MACROD2: variants seen among roughly 807,000 people sequenced by gnomAD.
The protein encoded by MACROD2 is mono-ADP ribosylhydrolase 2.
A neutral mutation model predicts 70.4 loss-of-function variants in MACROD2; 36 were observed. That is an observed-to-expected ratio of 0.51 (90% CI 0.39 to 0.68). MACROD2 has a LOEUF of 0.68. Among genes scored for constraint, MACROD2 ranks in the 30% least tolerant of loss-of-function variants. The pLI is 0.00. For missense variants in MACROD2, 496 were observed against 538.4 expected (o/e 0.92, Z 0.78); for synonymous variants, 172 against 178.8 (o/e 0.96, Z 0.30).
intron 10 of MACROD2, among the ~76,000 whole-genome samples, chr20:15,899,084 C>T (rs150615274): frequency 2.0e-5 from 3 of 151,260 alleles, no homozygotes; most frequent in Admixed American, 2.0e-4. Context: ...ACATATATAT[C>T]TGTAGGTGTG....
intron 8 of MACROD2, among the ~76,000 whole-genome samples, chr20:15,855,148 C>G (rs2064342800): frequency 6.6e-6 from 1 of 152,188 alleles, no homozygotes; most frequent in African/African-American, 2.4e-5. Context: ...ACAGGATAAT[C>G]TTGGCTGTGT....
chr20:16,021,577 G>T (rs2067001703), intron 15 of MACROD2, among the ~76,000 whole-genome samples: 2 of 152,130 alleles, frequency 1.3e-5, no homozygotes, highest in Admixed American at 1.3e-4. Flanking sequence ...CTGCCCAGAT[G>T]GATAGTGCAT....
chr20:14,098,479 A>C (rs1200894521), intron 3 of MACROD2, among the ~76,000 whole-genome samples: 2 of 152,228 alleles, frequency 1.3e-5, no homozygotes, highest in Non-Finnish European at 2.9e-5. Context: ...AGATGATGTC[A>C]TAAGATTGTA....
Position 15,097,582 on chromosome 20 carries a change from TAA to T in MACROD2, c.419-132357_419-132356del, listed in dbSNP as rs139991422. Among the ~76,000 whole-genome samples, 408 of 152,292 alleles carry T rather than the reference TAA, an allele frequency of 2.7e-3. 2 individuals are homozygous for T. The highest frequency in any genetic ancestry group is 8.6e-3 in the African/African-American group (357 of 41,556). On this transcript the variant is annotated intron_variant, in intron 5 of 17. Coordinates refer to ENST00000684519, the MANE Select transcript of MACROD2 (RefSeq NM_001351661.2). Reference sequence around the variant, plus strand: ...AGAGTAATGTCCAAATAAAATGTCATAAGTGAACAATACAATTCAATGGAGAA... The same window carrying T: ...AGAGTAATGTCCAAATAAAATGTCATGTGAACAATACAATTCAATGGAGAA...
At chr20:15,545,477 T>G (rs2048013952) in intron 8 of MACROD2, among the ~76,000 whole-genome samples, 1 of 152,208 alleles carries the variant, frequency 6.6e-6, no homozygotes, top group Non-Finnish European at 1.5e-5. Flanking sequence ...AAACAGATAC[T>G]GCACACTCAG....
intron 8 of MACROD2, among the ~76,000 whole-genome samples, chr20:15,608,478 C>T (rs573108102): frequency 2.0e-5 from 3 of 152,276 alleles, no homozygotes; most frequent in Non-Finnish European, 4.4e-5. Flanking sequence ...AGACCTAGAC[C>T]AACCTGCATC....
chr20:15,963,631 G>T (rs1250636740), intron 12 of MACROD2, among the ~76,000 whole-genome samples: 2 of 150,430 alleles, frequency 1.3e-5, no homozygotes, highest in East Asian at 4.1e-4. Flanking sequence ...CTCAAAACTG[G>T]TCTGGAAAAT....
At chr20:15,820,702 G>A (rs1450407831) in intron 8 of MACROD2, among the ~76,000 whole-genome samples, 1 of 152,070 alleles carries the variant, frequency 6.6e-6, no homozygotes, top group South Asian at 2.1e-4. Flanking sequence ...TGAGAATTCT[G>A]CTAAGAAAAC....
At chr20:15,727,276 C>G (rs930784154) in intron 8 of MACROD2, among the ~76,000 whole-genome samples, 2 of 152,042 alleles carry the variant, frequency 1.3e-5, no homozygotes, top group African/African-American at 4.8e-5. Context: ...TCTAGGTTTT[C>G]TATTCTGTTC....
At chr20:15,851,358 T>C (rs1439086136) in intron 8 of MACROD2, among the ~76,000 whole-genome samples, 1 of 151,778 alleles carries the variant, frequency 6.6e-6, no homozygotes, top group Non-Finnish European at 1.5e-5. Context: ...ATAACAGAAA[T>C]TTATTTTCTC....
chr20:15,428,538 G>T (rs2046327400), intron 6 of MACROD2, among the ~76,000 whole-genome samples: 1 of 152,154 alleles, frequency 6.6e-6, no homozygotes, highest in South Asian at 2.1e-4. Context: ...ATGGGAAGTT[G>T]AGGTCACTGG....
intron 4 of MACROD2, among the ~76,000 whole-genome samples, chr20:14,669,277 A>G (rs1034607147): frequency 3.9e-5 from 6 of 152,184 alleles, no homozygotes; most frequent in Non-Finnish European, 8.8e-5. Context: ...AGTGAATGGC[A>G]AAAGGTTTGC....
At chr20:14,066,808 T>G (rs2053764149) in intron 2 of MACROD2, among the ~76,000 whole-genome samples, 1 of 143,612 alleles carries the variant, frequency 7.0e-6, no homozygotes, top group Admixed American at 7.0e-5. Context: ...TTTAGTGATT[T>G]TTTTTTTTTT....
intron 8 of MACROD2, among the ~76,000 whole-genome samples, chr20:15,566,498 CAA>C (rs60445779): frequency 2.2e-5 from 3 of 138,190 alleles, no homozygotes; most frequent in African/African-American, 5.1e-5. Flanking sequence ...ACTCTGTCTC[CAA>C]AAAAAAAAAA....
At chr20:14,295,449 A>G (rs892226493) in intron 3 of MACROD2, among the ~76,000 whole-genome samples, 1 of 151,712 alleles carries the variant, frequency 6.6e-6, no homozygotes, top group African/African-American at 2.4e-5. Context: ...GCCAAGGGGC[A>G]GGAAGGAGAA....
chr20:14,947,047 C>G (rs2074438530), intron 5 of MACROD2, among the ~76,000 whole-genome samples: 1 of 152,144 alleles, frequency 6.6e-6, no homozygotes, highest in Non-Finnish European at 1.5e-5. Context: ...GGATACCTGG[C>G]TGTCGGATCC....
At chr20:14,994,231 T>G (rs928361003) in intron 5 of MACROD2, among the ~76,000 whole-genome samples, 1 of 152,032 alleles carries the variant, frequency 6.6e-6, no homozygotes, top group African/African-American at 2.4e-5. Context: ...TGAATGTAGT[T>G]TACACTTCAT....
intron 8 of MACROD2, among the ~76,000 whole-genome samples, chr20:15,540,797 G>T (rs1044762148): frequency 1.3e-5 from 2 of 151,886 alleles, no homozygotes; most frequent in African/African-American, 4.8e-5. Flanking sequence ...GCAGTTTGTT[G>T]ACAGTCTTTC....
intron 5 of MACROD2, among the ~76,000 whole-genome samples, chr20:14,756,877 G>A (rs148577505): frequency 3.1e-4 from 47 of 152,146 alleles, no homozygotes; most frequent in East Asian, 1.4e-3. Context: ...GTGAGTTCTC[G>A]TGGGATCTGA....
Sources: gnomAD v4.1 joint callset for allele counts (sites outside exome capture counted in the v4.1 genomes callset) on GRCh38, gnomAD v4.1.1 for gene constraint, MANE v1.5 for transcripts, NCBI Gene and HGNC (gene_info 2026-07-23, HGNC 2026-07-21) for gene names.